Variants in TEKT3 observed in about 807,000 individuals in gnomAD.
TEKT3 encodes tektin 3.
A neutral mutation model predicts 49.8 loss-of-function variants in TEKT3; 49 were observed. The observed-to-expected ratio is 0.98, with a 90% CI of 0.78 to 1.25. The LOEUF (loss-of-function observed/expected upper bound fraction) is 1.25, where lower values mean the gene tolerates loss of function less well. TEKT3 is among the 50% of genes most tolerant of loss of function. The pLI is 0.00. For missense variants in TEKT3, 595 were observed against 629.5 expected (o/e 0.95, Z 0.59); for synonymous variants, 225 against 237.2 (o/e 0.95, Z 0.47).
At chr17:15,308,854 TG>T (rs748307336) in intron 7 of TEKT3, 36 bp from the exon 8 acceptor site, 7 of 1,601,528 alleles carry the variant, frequency 4.4e-6, no homozygotes, top group East Asian at 2.2e-5. Context: ...GAGGCTTTGG[TG>T]TGGTCCCTTC....
chr17:15,332,265 A>G (rs1028687142), intron 2 of TEKT3, among the ~76,000 whole-genome samples: 63 of 152,296 alleles, frequency 4.1e-4, no homozygotes, highest in African/African-American at 1.4e-3. Context: ...TTAGCCTCTT[A>G]TATCTAAAAA....
chr17:15,330,894 G>T (rs1911696144), intron 3 of TEKT3, 113 bp downstream of exon 3: 1 of 1,077,198 alleles, frequency 9.3e-7, no homozygotes, highest in Non-Finnish European at 1.3e-6. Flanking sequence ...TATTGATAGG[G>T]GGTTGGCTTC....
intron 5 of TEKT3, among the ~76,000 whole-genome samples, chr17:15,314,455 A>G (rs1910917369): frequency 6.6e-6 from 1 of 152,068 alleles, no homozygotes; most frequent in South Asian, 2.1e-4. Flanking sequence ...TTCTCCTTTC[A>G]TAGGGTGGGA....
rs1449207778 is a variant in TEKT3 at position 15,304,017 on chromosome 17, A to T, written c.1392T>A (p.Asn464Lys). Reference sequence around the variant, plus strand: ...ATTTTTCCTGGTCGATGTACAGGGAATTGGCTTTGACAGCCAGGTCATACT... The same window carrying T: ...ATTTTTCCTGGTCGATGTACAGGGATTTGGCTTTGACAGCCAGGTCATACT... ...TLEYDLAVKA[N>K]SLYIDQEKCM... The change falls in exon 9 of 9, where the codon AAT (asparagine) becomes AAA (lysine). Residue 464 changes from asparagine to lysine, a missense_variant. Transcript: ENST00000395930. This position sits in a 1 kb window ranked among gnomAD's most constrained non-coding sequence, Gnocchi z 4.7. 1.9e-6 allele frequency: 3 copies of T among 1,613,984 alleles called. No individual in the cohort carries two copies. Among genetic ancestry groups the T allele is most frequent in the Non-Finnish European group, 2.5e-6 (3 of 1,180,012 alleles).
chr17:15,308,905 C>A (rs1910654383), intron 7 of TEKT3, 87 bp from the exon 8 acceptor site: 4 of 1,500,078 alleles, frequency 2.7e-6, no homozygotes, highest in Non-Finnish European at 3.7e-6. Context: ...CACTCCATGT[C>A]CAGCACGTGC....
In TEKT3 at chr17:15,319,261, A is replaced by C. The variant is rs996202555; in HGVS notation, c.664-114T>G. On this transcript the variant is annotated intron_variant, in intron 4 of 8. Transcript: ENST00000395930. Reference sequence around the variant, plus strand: ...AATTTTGTTTCTTAAAATACTGTGAAGTTAAACAAGAAAACAATTTTGCTT... The same window carrying C: ...AATTTTGTTTCTTAAAATACTGTGACGTTAAACAAGAAAACAATTTTGCTT... The C allele has an allele frequency of 9.5e-6, 8 of 840,864 alleles. No individual in the cohort carries two copies. The Admixed American group carries it at 2.1e-4, about 22-fold the overall frequency. 52.1% of individuals were successfully genotyped at this position (840,864 alleles called of 1,614,324 possible). A position where few individuals can be genotyped will look rare whatever the true frequency, so the allele number is the denominator to read the frequency against.
At chr17:15,306,439 A>T (rs547754382) in intron 8 of TEKT3, among the ~76,000 whole-genome samples, 5 of 152,312 alleles carry the variant, frequency 3.3e-5, no homozygotes, top group African/African-American at 1.2e-4. Flanking sequence ...TTAACAAGAA[A>T]ACTTGACAGA....
chr17:15,331,851 T>C (rs1028836263), intron 2 of TEKT3, among the ~76,000 whole-genome samples: 3 of 152,188 alleles, frequency 2.0e-5, no homozygotes, highest in Admixed American at 2.0e-4. Flanking sequence ...ATTTGGACTT[T>C]TGAATTTTTG....
At position 15,303,931 on chromosome 17, in the gene TEKT3, G is replaced by A. The variant is rs376465054; in HGVS notation, c.*5C>T. The A allele has an allele frequency of 1.9e-5, 31 of 1,613,456 alleles. No homozygotes were observed. Among genetic ancestry groups the A allele is most frequent in the Non-Finnish European group, 2.5e-5 (30 of 1,179,954 alleles). On this transcript the variant is annotated 3_prime_UTR_variant, in exon 9 of 9. Coordinates refer to ENST00000395930, the MANE Select transcript of TEKT3 (RefSeq NM_031898.3). ...GGGGTATCAAAACCACACCCGGTGG[G>A]GTCCCTAGCAGAAGCCGACCAGCCG...
chr17:15,303,961 G>T lies in TEKT3; in HGVS notation c.1448C>A (p.Thr483Asn), dbSNP rs1327479673. 5 of 1,613,966 alleles carry T rather than the reference G, an allele frequency of 3.1e-6. No homozygotes were observed. The highest frequency in any genetic ancestry group is 4.2e-6 in the Non-Finnish European group (5 of 1,180,032). ...CMSMRKSYPN[T>N]LRLVGFC ...CTAGCAGAAGCCGACCAGCCGGAGG[G>T]TGTTGGGGTAGCTCTTGCGCATGCT... The change falls in exon 9 of 9, where the codon ACC becomes AAC. Residue 483 changes from threonine (T) to asparagine (N), a missense_variant. Physicochemically the swap from Thr to Asn is moderately conservative, Grantham distance 65. Coordinates refer to ENST00000395930, the MANE Select transcript of TEKT3 (RefSeq NM_031898.3).
At chr17:15,324,473 T>C (rs767966507) in intron 4 of TEKT3, among the ~76,000 whole-genome samples, 5 of 152,184 alleles carry the variant, frequency 3.3e-5, no homozygotes, top group Non-Finnish European at 5.9e-5. Flanking sequence ...GTAGAACTAC[T>C]GGATCCTATG....
At chr17:15,318,997 T>C (rs955097346) in intron 5 of TEKT3, 80 bp downstream of exon 5, 6 of 1,196,998 alleles carry the variant, frequency 5.0e-6, no homozygotes, top group Non-Finnish European at 7.2e-6. Flanking sequence ...TTATAAGAAA[T>C]TAAGAGAAAT....
At chr17:15,311,286 T>TA (rs1301051009) in intron 7 of TEKT3, 1 of 152,146 alleles carries the variant, frequency 6.6e-6, no homozygotes, top group African/African-American at 2.4e-5. Context: ...CTCAACTGGG[T>TA]AAAACCATCG....
chr17:15,324,009 G>C (rs1218663033), intron 4 of TEKT3, among the ~76,000 whole-genome samples: 2 of 152,148 alleles, frequency 1.3e-5, no homozygotes, highest in Non-Finnish European at 2.9e-5. Context: ...TCGCCGAGTT[G>C]TATAATCATC....
intron 8 of TEKT3, among the ~76,000 whole-genome samples, chr17:15,305,562 G>A (rs184450692): frequency 2.0e-5 from 3 of 152,170 alleles, no homozygotes; most frequent in East Asian, 1.9e-4. Context: ...CGAGGCTGCC[G>A]CAGATGGCTG....
intron 8 of TEKT3, chr17:15,307,119 A>G (rs1395479293): frequency 2.0e-5 from 3 of 152,228 alleles, no homozygotes; most frequent in Non-Finnish European, 2.9e-5. Flanking sequence ...AACACAGACA[A>G]CATGCGTGCT....
chr17:15,316,425 T>C (rs1465179835), intron 5 of TEKT3, among the ~76,000 whole-genome samples: 1 of 152,066 alleles, frequency 6.6e-6, no homozygotes, highest in Non-Finnish European at 1.5e-5. Flanking sequence ...GTTGAAAACA[T>C]ATGCCTTGAG....
At position 15,308,825 on chromosome 17, in the gene TEKT3, CAA is replaced by C. The variant is rs781406425; in HGVS notation, c.1102-9_1102-8del. 49 of 1,611,310 alleles carry C rather than the reference CAA, an allele frequency of 3.0e-5. No individual in the cohort carries two copies. In the South Asian group the frequency reaches 5.1e-4, roughly 17 times the overall value. ...GGAAAATCTCCTGCAGGGTCTGTGA[CAA>C]AGAGAAGCAACTGCCTGAGGCTTTG... On this transcript the variant is annotated splice_region_variant and splice_polypyrimidine_tract_variant and intron_variant, in intron 7 of 8. Transcript: ENST00000395930.
At chr17:15,319,547 G>A (rs1486833207) in intron 4 of TEKT3, among the ~76,000 whole-genome samples, 2 of 152,134 alleles carry the variant, frequency 1.3e-5, no homozygotes, top group East Asian at 1.9e-4. Flanking sequence ...AGTCAGGGAG[G>A]AAAAAAGCAC....
Sources: gnomAD v4.1 joint callset for allele counts (sites outside exome capture counted in the v4.1 genomes callset) on GRCh38, gnomAD v4.1.1 for gene constraint, Gnocchi (gnomAD v3.1) non-coding constraint, MANE v1.5 for transcripts, NCBI Gene and HGNC (gene_info 2026-07-23, HGNC 2026-07-21) for gene names.